KCNH5: variants seen among roughly 807,000 people sequenced by gnomAD.
KCNH5 encodes the protein voltage-gated delayed rectifier potassium channel KCNH5.
A neutral mutation model predicts 96.1 loss-of-function variants in KCNH5; 46 were observed. The observed-to-expected ratio is 0.48, with a 90% CI of 0.38 to 0.61. The LOEUF (loss-of-function observed/expected upper bound fraction) is 0.61, where lower values mean the gene tolerates loss of function less well. KCNH5 is among the 20% of genes least tolerant of loss of function. KCNH5 has a pLI of 0.00. For synonymous variants in KCNH5, 439 were observed against 449.8 expected (o/e 0.98, Z 0.30); for missense variants, 907 against 1,225.8 (o/e 0.74, Z 3.88).
intron 8 of KCNH5, among the ~76,000 whole-genome samples, chr14:62,845,186 G>A (rs138213969): frequency 1.3e-5 from 2 of 152,134 alleles, no homozygotes; most frequent in African/African-American, 4.8e-5. Context: ...GGCTTATGGA[G>A]GAACAGGAAG....
chr14:62,953,111 A>G (rs1041558812), intron 6 of KCNH5, among the ~76,000 whole-genome samples: 10 of 151,678 alleles, frequency 6.6e-5, no homozygotes, highest in African/African-American at 2.4e-4. Context: ...TTACAAGCTT[A>G]AAAAGTAACA....
intron 7 of KCNH5, among the ~76,000 whole-genome samples, chr14:62,941,470 T>A (rs2356099): frequency 0.97 from 147,844 of 152,256 alleles, 71,802 homozygotes; most frequent in East Asian, 1. Context: ...TAAACCATGA[T>A]AAAAGGTGCC....
chr14:62,779,685 T>A lies in KCNH5; in HGVS notation c.2019+43A>T, dbSNP rs1382953571. On this transcript the variant is annotated intron_variant, in intron 10 of 10. Transcript: ENST00000322893. ...CAGCTAATAGAGCTGAATTAATTAA[T>A]ACTCTGGACACTAATAAGAAAAAGC... The A allele has an allele frequency of 4.0e-6, 6 of 1,496,818 alleles. No homozygotes were observed. In the Admixed American group the frequency reaches 1.2e-4, roughly 31 times the overall value. The allele number at this position is 1,496,818 out of a possible 1,614,324, so 92.7% of individuals were successfully genotyped here. A position where few individuals can be genotyped will look rare whatever the true frequency, so the allele number is the denominator to read the frequency against.
chr14:62,776,543 T>C (rs1438744924), intron 10 of KCNH5, among the ~76,000 whole-genome samples: 2 of 152,186 alleles, frequency 1.3e-5, no homozygotes, highest in South Asian at 2.1e-4. Context: ...TATTTTGTTA[T>C]GGCAGTCCAA....
chr14:62,891,448 A>G (rs1233936202), intron 7 of KCNH5, among the ~76,000 whole-genome samples: 1 of 152,044 alleles, frequency 6.6e-6, no homozygotes, highest in East Asian at 1.9e-4. Flanking sequence ...AAAGATAACT[A>G]TTGGTACTGG....
At chr14:62,841,166 G>A (rs1887577295) in intron 8 of KCNH5, among the ~76,000 whole-genome samples, 1 of 152,004 alleles carries the variant, frequency 6.6e-6, no homozygotes, top group Admixed American at 6.6e-5. Context: ...AGCACTGGAT[G>A]AGAAATGAAA....
chr14:62,922,599 T>C (rs1357880537), intron 7 of KCNH5, among the ~76,000 whole-genome samples: 1 of 151,932 alleles, frequency 6.6e-6, no homozygotes, highest in Non-Finnish European at 1.5e-5. Flanking sequence ...GATCATACAC[T>C]ATACGCCATG....
intron 7 of KCNH5, among the ~76,000 whole-genome samples, chr14:62,913,658 G>T (rs1357354460): frequency 6.6e-6 from 1 of 152,028 alleles, no homozygotes; most frequent in Non-Finnish European, 1.5e-5. Flanking sequence ...TATAGTACTT[G>T]GGAGAAACTA....
intron 8 of KCNH5, among the ~76,000 whole-genome samples, chr14:62,830,652 G>C (rs1887327157): frequency 6.6e-6 from 1 of 150,760 alleles, no homozygotes; most frequent in African/African-American, 2.4e-5. Context: ...CCAGGATCCA[G>C]TCACCTCCCA....
At chr14:62,877,585 C>A (rs1888401385) in intron 7 of KCNH5, among the ~76,000 whole-genome samples, 1 of 152,154 alleles carries the variant, frequency 6.6e-6, no homozygotes, top group South Asian at 2.1e-4. Context: ...CCAAAAAACA[C>A]ATGAAAAAAT....
intron 7 of KCNH5, among the ~76,000 whole-genome samples, chr14:62,923,501 G>A (rs909952597): frequency 2.0e-5 from 3 of 151,846 alleles, no homozygotes; most frequent in African/African-American, 7.2e-5. Context: ...AAAAGACCCT[G>A]AATAGCTAAA....
chr14:62,942,734 G>C (rs187033740), intron 7 of KCNH5, among the ~76,000 whole-genome samples: 1 of 152,170 alleles, frequency 6.6e-6, no homozygotes, highest in African/African-American at 2.4e-5. Flanking sequence ...AGATGTTTAC[G>C]TGATTACCAA....
rs796388134 is a variant in KCNH5 at position 62,840,575 on chromosome 14, T to C, written c.1569+9078A>G. On this transcript the variant is annotated intron_variant, in intron 8 of 10. Transcript: ENST00000322893. ...CTTTTTTCTTTTTTTTCTTTTTTTT[T>C]TTTTTTTTTTTTTTGAGACGGAGTC... Among the ~76,000 whole-genome samples the C allele has an allele frequency of 2.9e-4, 38 of 133,264 alleles. No homozygotes were observed. The South Asian group carries it at 4.9e-3, about 17-fold the overall frequency. The allele number at this position is 133,264 out of a possible 152,430, so 87.4% of individuals were successfully genotyped here.
chr14:63,005,153 G>C (rs2139596175), intron 3 of KCNH5, among the ~76,000 whole-genome samples: 1 of 152,278 alleles, frequency 6.6e-6, no homozygotes, highest in African/African-American at 2.4e-5. Context: ...TTTTCTAGGT[G>C]ACAAGCTAGC....
intron 9 of KCNH5, among the ~76,000 whole-genome samples, chr14:62,798,614 A>G (rs1383603333): frequency 6.6e-6 from 1 of 152,222 alleles, no homozygotes; most frequent in African/African-American, 2.4e-5. Flanking sequence ...AAGAACTTCA[A>G]ATTGAAAAAA....
At chr14:62,993,642 T>C (rs1272113246) in intron 4 of KCNH5, among the ~76,000 whole-genome samples, 1 of 152,062 alleles carries the variant, frequency 6.6e-6, no homozygotes, top group Non-Finnish European at 1.5e-5. Flanking sequence ...CATCTGGAAT[T>C]ACCTATTATT....
intron 7 of KCNH5, among the ~76,000 whole-genome samples, chr14:62,943,045 T>C (rs537376947): frequency 3.9e-5 from 6 of 152,344 alleles, no homozygotes; most frequent in Admixed American, 3.9e-4. Context: ...TTTAATAATG[T>C]ACTTAACAGT....
At chr14:62,787,781 A>T (rs1356446813) in intron 9 of KCNH5, among the ~76,000 whole-genome samples, 1 of 152,212 alleles carries the variant, frequency 6.6e-6, no homozygotes, top group Non-Finnish European at 1.5e-5. Flanking sequence ...TGGAAGGACA[A>T]AGCCTGGATG....
chr14:62,817,392 A>G (rs58133778), intron 8 of KCNH5, among the ~76,000 whole-genome samples: 19,381 of 148,550 alleles, frequency 0.13, 1,627 homozygotes, highest in East Asian at 0.29. Context: ...AATACAATGA[A>G]CACAGTGAAA....
Sources: gnomAD v4.1 joint callset for allele counts (sites outside exome capture counted in the v4.1 genomes callset) on GRCh38, gnomAD v4.1.1 for gene constraint, MANE v1.5 for transcripts, NCBI Gene and HGNC (gene_info 2026-07-23, HGNC 2026-07-21) for gene names.